The following GIT2 variants were observed in gnomAD, a reference collection of about 807,000 sequenced individuals.
The protein encoded by GIT2 is ARF GTPase-activating protein GIT2.
In GIT2, 32 loss-of-function variants were observed where a neutral mutation model predicts 100.3. The observed-to-expected ratio is 0.32, with a 90% CI of 0.24 to 0.43. The LOEUF (loss-of-function observed/expected upper bound fraction) is 0.43. Ranked by LOEUF, GIT2 falls within the 20% of genes least tolerant of loss-of-function variation. The pLI, the probability that GIT2 is intolerant of heterozygous loss-of-function variation, is 1.00. For missense variants in GIT2, 737 were observed against 975.1 expected (o/e 0.76, Z 3.25); for synonymous variants, 353 against 364.1 (o/e 0.97, Z 0.35).
At chr12:109,961,729 G>T in intron 9 of GIT2, 44 bp from the exon 10 acceptor site, 1 of 1,146,406 alleles carries the variant, frequency 8.7e-7, no homozygotes, top group Non-Finnish European at 1.3e-6. Flanking sequence ...AATGATTAAT[G>T]CCAGGAGGAC....
chr12:109,988,134 CA>C (rs1456500892), intron 4 of GIT2, among the ~76,000 whole-genome samples: 1 of 152,054 alleles, frequency 6.6e-6, no homozygotes, highest in African/African-American at 2.4e-5. Flanking sequence ...GTTAAACAAA[CA>C]AAAAACTTAT....
At chr12:109,944,752 G>C (rs1251285442) in intron 16 of GIT2, among the ~76,000 whole-genome samples, 1 of 151,464 alleles carries the variant, frequency 6.6e-6, no homozygotes, top group Non-Finnish European at 1.5e-5. Flanking sequence ...TTACAATTCT[G>C]ATTCAAGATG....
At chr12:109,956,400 T>C (rs971795122) in intron 12 of GIT2, among the ~76,000 whole-genome samples, 3 of 152,164 alleles carry the variant, frequency 2.0e-5, no homozygotes, top group African/African-American at 4.8e-5. Context: ...TGGCACTAAA[T>C]AGACCACAGA....
In GIT2 at chr12:109,965,697, A is replaced by G. The variant is rs1318515689; in HGVS notation, c.765-120T>C. ...ACAGTTCATGGACCATGTTAGAACC[A>G]AGCATTCTACAGCCCAGTAGAGTCA... On this transcript the variant is annotated intron_variant, in intron 8 of 19. Coordinates refer to ENST00000355312, the MANE Select transcript of GIT2 (RefSeq NM_057169.5). The G allele has an allele frequency of 3.7e-6, 3 of 808,306 alleles. No individual in the cohort carries two copies. The African/African-American group carries it at 5.0e-5, about 14-fold the overall frequency. 50.1% of individuals were successfully genotyped at this position (808,306 alleles called of 1,614,324 possible).
intron 14 of GIT2, among the ~76,000 whole-genome samples, chr12:109,950,274 G>A (rs1877465719): frequency 6.6e-6 from 1 of 152,194 alleles, no homozygotes; most frequent in Non-Finnish European, 1.5e-5. Context: ...CACGTCCTCA[G>A]GTCTTGAAAA....
Position 109,962,831 on chromosome 12 carries a change from C to A in GIT2, c.817-1146G>T, listed in dbSNP as rs1004008625. The stretch of plus-strand genomic sequence containing the variant: ...CTGGCTGGCCAGAAGGGATTTAATG[C>A]AGCAATTTAAAATGCTGGCTACAGG... On this transcript the variant is annotated intron_variant, in intron 9 of 19. Transcript: ENST00000355312. This position sits in a 1 kb window ranked among gnomAD's most constrained non-coding sequence, Gnocchi z 4.3. Among the ~76,000 whole-genome samples the A allele has an allele frequency of 6.6e-6, 1 of 152,194 alleles. No homozygotes were observed. Among genetic ancestry groups the A allele is most frequent in the African/African-American group, 2.4e-5 (1 of 41,442 alleles).
At chr12:109,991,192 C>T (rs1167838601) in intron 2 of GIT2, among the ~76,000 whole-genome samples, 2 of 152,024 alleles carry the variant, frequency 1.3e-5, no homozygotes. Context: ...TGCCTGTAAT[C>T]CCAGCTACTT....
intron 15 of GIT2, among the ~76,000 whole-genome samples, chr12:109,945,839 A>G (rs559997813): frequency 1.3e-5 from 2 of 152,312 alleles, no homozygotes; most frequent in South Asian, 4.1e-4. Flanking sequence ...TACAAAAATA[A>G]GATTCTTAAC....
intron 4 of GIT2, among the ~76,000 whole-genome samples, chr12:109,986,428 G>A (rs549302834): frequency 6.6e-6 from 1 of 152,100 alleles, no homozygotes; most frequent in African/African-American, 2.4e-5. Flanking sequence ...TTAGGAGTTC[G>A]AGACCAGCCT....
Position 109,962,589 on chromosome 12 carries a change from C to A in GIT2, c.817-904G>T, listed in dbSNP as rs1216286013. Among the ~76,000 whole-genome samples the A allele has an allele frequency of 6.6e-6, 1 of 152,194 alleles. No homozygotes were observed. Among genetic ancestry groups the A allele is most frequent in the East Asian group, 1.9e-4 (1 of 5,188 alleles). ...TGGGCACATGGAGGATAATTGAGGT[C>A]TTCCTGGCCCAGATGAGGTTAAGCC... On this transcript the variant is annotated intron_variant, in intron 9 of 19. Transcript: ENST00000355312. The surrounding 1 kb of genome is among the most constrained non-coding windows in gnomAD (Gnocchi z 4.3).
intron 16 of GIT2, among the ~76,000 whole-genome samples, chr12:109,945,000 C>T (rs1241873588): frequency 6.6e-6 from 1 of 152,134 alleles, no homozygotes. Flanking sequence ...AGAATAAATG[C>T]TGTAGGGTGA....
In GIT2 at chr12:109,947,163, A is replaced by G; in HGVS notation, c.1641+93T>C. 7.9e-7 allele frequency: 1 copy of G among 1,273,756 alleles called. No individual in the cohort carries two copies. Among genetic ancestry groups the G allele is most frequent in the Non-Finnish European group, 1.1e-6 (1 of 909,196 alleles). The allele number at this position is 1,273,756 out of a possible 1,614,324, so 78.9% of individuals were successfully genotyped here. On this transcript the variant is annotated intron_variant, in intron 15 of 19. Transcript: ENST00000355312. The surrounding 1 kb of genome is among the most constrained non-coding windows in gnomAD (Gnocchi z 4.3). ...TAACTCTCTTAGTCCAATTTGGCAA[A>G]GCAGAGCTGTGGGGACCTGTAGGTT...
At chr12:109,978,764 T>A (rs1464501058) in intron 7 of GIT2, among the ~76,000 whole-genome samples, 1 of 152,252 alleles carries the variant, frequency 6.6e-6, no homozygotes, top group Non-Finnish European at 1.5e-5. Context: ...GAATGTTTGC[T>A]TTTACTTCTT....
In GIT2 at chr12:109,935,175, T is replaced by G. The variant is rs1353613366; in HGVS notation, c.2004-1090A>C. 3.3e-5 allele frequency among the ~76,000 whole-genome samples: 5 copies of G among 152,190 alleles called. No homozygotes were observed. In the South Asian group the frequency reaches 6.2e-4, roughly 19 times the overall value. On this transcript the variant is annotated intron_variant, in intron 18 of 19. Transcript: ENST00000355312. Reference sequence around the variant, plus strand: ...AAATGCCTTCATTGGAAATCCTGACTTCTACCTTTGTGAGCAATTAGAATC... The same window carrying G: ...AAATGCCTTCATTGGAAATCCTGACGTCTACCTTTGTGAGCAATTAGAATC...
In GIT2 at chr12:109,962,896, G is replaced by C. The variant is rs1224262057; in HGVS notation, c.817-1211C>G. Among the ~76,000 whole-genome samples the C allele has an allele frequency of 6.6e-6, 1 of 152,154 alleles. No individual in the cohort carries two copies. On this transcript the variant is annotated intron_variant, in intron 9 of 19. Transcript: ENST00000355312. The surrounding 1 kb of genome is among the most constrained non-coding windows in gnomAD (Gnocchi z 4.3). ...TCATGCCTATAATCCCAACACTTTG[G>C]GAGGCAGAGGCAGGAAGATCACTCA...
intron 4 of GIT2, among the ~76,000 whole-genome samples, chr12:109,986,086 A>G (rs1400568653): frequency 6.6e-6 from 1 of 151,778 alleles, no homozygotes; most frequent in East Asian, 2.0e-4. Context: ...TCGTCTCCCC[A>G]GTTCAAGAGA....
chr12:109,945,215 C>T lies in GIT2; in HGVS notation c.1731+45G>A, dbSNP rs1202945014. 5 of 948,844 alleles carry T rather than the reference C, an allele frequency of 5.3e-6. No individual in the cohort carries two copies. The East Asian group carries it at 1.2e-4, about 24-fold the overall frequency. 58.8% of individuals were successfully genotyped at this position (948,844 alleles called of 1,614,324 possible). On this transcript the variant is annotated intron_variant, in intron 16 of 19. Transcript: ENST00000355312. ...AGCCCAAGCACAAAGCGCCCAGGAG[C>T]ACGGCCCCTCCTCCAGAGAGCAGAC... is the stretch of plus-strand genomic sequence containing the variant.
chr12:109,974,560 A>G (rs1884643742), intron 7 of GIT2, among the ~76,000 whole-genome samples: 1 of 152,196 alleles, frequency 6.6e-6, no homozygotes, highest in African/African-American at 2.4e-5. Flanking sequence ...ACTTCCAAGC[A>G]CTTGGGTATT....
At chr12:109,995,793 G>A (rs1361132688) in intron 1 of GIT2, among the ~76,000 whole-genome samples, 1 of 152,216 alleles carries the variant, frequency 6.6e-6, no homozygotes. Flanking sequence ...GGTCTAGTGG[G>A]AGGTGACACC....
Sources: gnomAD v4.1 joint callset for allele counts (sites outside exome capture counted in the v4.1 genomes callset) on GRCh38, gnomAD v4.1.1 for gene constraint, Gnocchi (gnomAD v3.1) non-coding constraint, MANE v1.5 for transcripts, NCBI Gene and HGNC (gene_info 2026-07-23, HGNC 2026-07-21) for gene names.